The following IGF1R variants were observed in gnomAD, a reference collection of about 807,000 sequenced individuals.
IGF1R encodes insulin like growth factor 1 receptor, also known as insulin-like growth factor 1 receptor.
In IGF1R, 44 loss-of-function variants were observed where a neutral mutation model predicts 144.6. The observed-to-expected ratio is 0.30, with a 90% CI of 0.24 to 0.39. The LOEUF (loss-of-function observed/expected upper bound fraction) is 0.39. Among genes scored for constraint, IGF1R ranks in the 10% least tolerant of loss-of-function variants. The pLI, the probability that IGF1R is intolerant of heterozygous loss-of-function variation, is 1.00. For synonymous variants in IGF1R, 795 were observed against 722.8 expected (o/e 1.10, Z -1.60); for missense variants, 1,355 against 1,833.7 (o/e 0.74, Z 4.77).
intron 2 of IGF1R, among the ~76,000 whole-genome samples, chr15:98,842,914 A>G (rs997379130): frequency 6.6e-5 from 10 of 152,172 alleles, no homozygotes; most frequent in African/African-American, 2.4e-4. Context: ...TGTAGAAAAT[A>G]TTTAGAGACT....
intron 12 of IGF1R, 83 bp from the exon 13 acceptor site, chr15:98,924,442 C>T (rs2015621767): frequency 7.7e-7 from 1 of 1,297,908 alleles, no homozygotes; most frequent in African/African-American, 1.5e-5. Flanking sequence ...CAGCTGGAGT[C>T]CCCAGTGTGG....
In IGF1R at chr15:98,878,663, C is replaced by CAAAAA. The variant is rs138285597; in HGVS notation, c.641-12634_641-12630dup. Among the ~76,000 whole-genome samples the CAAAAA allele has an allele frequency of 8.2e-3, 472 of 57,808 alleles. 8 individuals carry two copies. Among genetic ancestry groups the CAAAAA allele is most frequent in the African/African-American group, 0.01 (97 of 9,588 alleles). The allele number at this position is 57,808 out of a possible 152,430, so 37.9% of individuals were successfully genotyped here. A position where few individuals can be genotyped will look rare whatever the true frequency, so the allele number is the denominator to read the frequency against. ...TCTCTCTTCTTATTTGTGAAAGACT[C>CAAAAA]AAAAAAAAAAAAAAAAAAAAAAAAA... On this transcript the variant is annotated intron_variant, in intron 2 of 20. Transcript: ENST00000650285.
At position 98,780,571 on chromosome 15, in the gene IGF1R, AAAAAGAG is replaced by A. The variant is rs1449821243; in HGVS notation, c.640+72466_640+72472del. Among the ~76,000 whole-genome samples the A allele has an allele frequency of 5.3e-5, 4 of 76,036 alleles. 1 individual carries two copies. Among genetic ancestry groups the A allele is most frequent in the Admixed American group, 1.5e-4 (1 of 6,566 alleles). 49.9% of individuals were successfully genotyped at this position (76,036 alleles called of 152,430 possible). ...TCTCAAAAAAAAAAAAAAAAAAAAAAAAAAGAGAGAGAGAGTAAATAAAATTGTAAGG... is the reference window on the plus strand; with the variant it reads ...TCTCAAAAAAAAAAAAAAAAAAAAAAAGAGAGAGTAAATAAAATTGTAAGG... On this transcript the variant is annotated intron_variant, in intron 2 of 20. Transcript: ENST00000650285.
At chr15:98,878,683 AAAAAAAAAAAAACAAC>A (rs2013195229) in intron 2 of IGF1R, among the ~76,000 whole-genome samples, 1 of 145,334 alleles carries the variant, frequency 6.9e-6, no homozygotes, top group African/African-American at 2.6e-5. Flanking sequence ...AAAAAAAAAA[AAAAAAAAAAAAACAAC>A]AACAAAAAAA....
At chr15:98,845,664 CTT>C (rs1316388172) in intron 2 of IGF1R, among the ~76,000 whole-genome samples, 1 of 151,636 alleles carries the variant, frequency 6.6e-6, no homozygotes, top group African/African-American at 2.4e-5. Context: ...GATTGGCAAT[CTT>C]CTGTTCTACT....
At chr15:98,840,677 G>GTT (rs58919638) in intron 2 of IGF1R, among the ~76,000 whole-genome samples, 36 of 131,250 alleles carry the variant, frequency 2.7e-4, no homozygotes, top group South Asian at 1.7e-3. Flanking sequence ...TTTTTGTTTT[G>GTT]TTTTTTTTTT....
At chr15:98,856,017 C>G (rs879466195) in intron 2 of IGF1R, among the ~76,000 whole-genome samples, 1 of 152,210 alleles carries the variant, frequency 6.6e-6, no homozygotes, top group Non-Finnish European at 1.5e-5. Flanking sequence ...GTGGCAAGGT[C>G]ACAGTGATTT....
At position 98,958,002 on chromosome 15, in the gene IGF1R, T is replaced by A. The variant is rs1487261181; in HGVS notation, c.*560T>A. 1 of 234,660 alleles carries A rather than the reference T, an allele frequency of 4.3e-6. No homozygotes were observed. The highest frequency in any genetic ancestry group is 5.6e-5 in the Admixed American group (1 of 17,952). 14.5% of individuals were successfully genotyped at this position (234,660 alleles called of 1,614,324 possible). ...CAAAGGGCCATCGTTCATCCAAGGC[T>A]GTTACCATTTTAACGCTGCCTAATT... On this transcript the variant is annotated 3_prime_UTR_variant, in exon 21 of 21. Coordinates refer to ENST00000650285, the MANE Select transcript of IGF1R (RefSeq NM_000875.5).
At chr15:98,946,958 G>A (rs903493378) in intron 19 of IGF1R, among the ~76,000 whole-genome samples, 1 of 152,192 alleles carries the variant, frequency 6.6e-6, no homozygotes, top group African/African-American at 2.4e-5. Flanking sequence ...ATTTTTTGTT[G>A]TTGGAGAGCT....
chr15:98,689,114 T>C (rs2053408827), intron 1 of IGF1R, among the ~76,000 whole-genome samples: 1 of 152,116 alleles, frequency 6.6e-6, no homozygotes, highest in Admixed American at 6.5e-5. Context: ...GAAATAGCAG[T>C]TTTTCATCTT....
At chr15:98,678,904 T>G (rs1400198388) in intron 1 of IGF1R, among the ~76,000 whole-genome samples, 2 of 145,542 alleles carry the variant, frequency 1.4e-5, no homozygotes, top group African/African-American at 5.0e-5. Context: ...AGGGTTCTGG[T>G]TCTTTCCTCT....
At chr15:98,830,615 T>TTTTTTTTC (rs2056984382) in intron 2 of IGF1R, among the ~76,000 whole-genome samples, 1 of 151,148 alleles carries the variant, frequency 6.6e-6, no homozygotes. Context: ...CTTTTTTTTT[T>TTTTTTTTC]TTTTTTTAGA....
At chr15:98,932,564 C>G (rs2015986589) in intron 15 of IGF1R, among the ~76,000 whole-genome samples, 1 of 152,192 alleles carries the variant, frequency 6.6e-6, no homozygotes, top group Admixed American at 6.5e-5. Flanking sequence ...GGTTTCAACT[C>G]CATGTTTTAT....
At chr15:98,690,275 C>G (rs1474020257) in intron 1 of IGF1R, among the ~76,000 whole-genome samples, 1 of 152,136 alleles carries the variant, frequency 6.6e-6, no homozygotes, top group Non-Finnish European at 1.5e-5. Flanking sequence ...CCTAAGAGGT[C>G]AAGGCTGCAG....
chr15:98,742,458 C>T (rs2054768381), intron 2 of IGF1R, among the ~76,000 whole-genome samples: 1 of 152,114 alleles, frequency 6.6e-6, no homozygotes, highest in African/African-American at 2.4e-5. Context: ...GGGGCTGCTC[C>T]TGGAGCATCT....
intron 15 of IGF1R, among the ~76,000 whole-genome samples, chr15:98,933,822 C>T (rs2016036034): frequency 1.3e-5 from 2 of 152,108 alleles, no homozygotes; most frequent in African/African-American, 4.8e-5. Context: ...CCACGCTGGG[C>T]ACCACCGGGT....
At chr15:98,716,384 C>T (rs1393754096) in intron 2 of IGF1R, among the ~76,000 whole-genome samples, 1 of 152,112 alleles carries the variant, frequency 6.6e-6, no homozygotes, top group Non-Finnish European at 1.5e-5. Flanking sequence ...TTAAAATGTT[C>T]ATAACTCATC....
At chr15:98,920,912 G>A (rs963508940) in intron 10 of IGF1R, among the ~76,000 whole-genome samples, 6 of 152,122 alleles carry the variant, frequency 3.9e-5, no homozygotes, top group Admixed American at 6.5e-5. Context: ...CTGACCTAAG[G>A]ACCAGCCAGA....
At chr15:98,918,953 G>A (rs1482083406) in intron 10 of IGF1R, among the ~76,000 whole-genome samples, 1 of 152,164 alleles carries the variant, frequency 6.6e-6, no homozygotes, top group Admixed American at 6.5e-5. Flanking sequence ...GCCCCGCTGG[G>A]GGAGTCTTCT....
Sources: gnomAD v4.1 joint callset for allele counts (sites outside exome capture counted in the v4.1 genomes callset) on GRCh38, gnomAD v4.1.1 for gene constraint, MANE v1.5 for transcripts, NCBI Gene and HGNC (gene_info 2026-07-23, HGNC 2026-07-21) for gene names.